The following AP3D1 variants were observed in gnomAD, a reference collection of about 807,000 sequenced individuals.
The protein encoded by AP3D1 is AP-3 complex subunit delta-1.
AP3D1 carries 51 observed loss-of-function variants against 147.6 expected under a neutral mutation model. That is an observed-to-expected ratio of 0.35 (90% CI 0.28 to 0.44). AP3D1 has a LOEUF of 0.44. Among genes scored for constraint, AP3D1 ranks in the 20% least tolerant of loss-of-function variants. The pLI is 1.00. For missense variants in AP3D1, 1,421 were observed against 1,624.2 expected, an observed-to-expected ratio of 0.87 and a Z score of 2.15; for synonymous variants, 760 against 663.0, an observed-to-expected ratio of 1.15 and a Z score of -2.25.
intron 1 of AP3D1, among the ~76,000 whole-genome samples, chr19:2,145,542 C>T (rs2019333862): frequency 6.6e-6 from 1 of 152,210 alleles, no homozygotes; most frequent in African/African-American, 2.4e-5. Flanking sequence ...AGTGCCCCAA[C>T]ACCCCCACCC....
intron 1 of AP3D1, 68 bp downstream of exon 1, chr19:2,151,171 T>A: frequency 6.9e-7 from 1 of 1,454,486 alleles, no homozygotes; most frequent in Admixed American, 1.9e-5. Flanking sequence ...GCAGGCCCAG[T>A]GAGCAGGGCT....
chr19:2,159,450 G>A (rs371823976), intron 1 of AP3D1, among the ~76,000 whole-genome samples: 6 of 151,004 alleles, frequency 4.0e-5, no homozygotes, highest in African/African-American at 1.5e-4. Context: ...GTGCGGTGGC[G>A]CGATCTCAGC....
In AP3D1 at chr19:2,111,671, C is replaced by G; in HGVS notation, c.2937+8G>C. 2 of 1,581,698 alleles carry G rather than the reference C, an allele frequency of 1.3e-6. No homozygotes were observed. Among genetic ancestry groups the G allele is most frequent in the Non-Finnish European group, 1.7e-6 (2 of 1,167,414 alleles). On this transcript the variant is annotated splice_region_variant and intron_variant, in intron 25 of 31. Transcript: ENST00000643116. ...GGCGTGGGGCGGGGGCGCTGAAGTA[C>G]CCCTCACCGGGAGCTGCTCCTCCTC...
At chr19:2,117,545 G>A (rs779000920) in intron 15 of AP3D1, among the ~76,000 whole-genome samples, 178 bp from the exon 16 acceptor site, 3 of 152,230 alleles carry the variant, frequency 2.0e-5, no homozygotes, top group Non-Finnish European at 4.4e-5. Flanking sequence ...TCGCCAGGAA[G>A]CGGCAGAAAC....
chr19:2,129,881 G>A (rs1023619216), intron 6 of AP3D1, among the ~76,000 whole-genome samples: 1 of 152,158 alleles, frequency 6.6e-6, no homozygotes, highest in African/African-American at 2.4e-5. Context: ...TAGGGCTGGG[G>A]TCTCCCCTCC....
At chr19:2,118,473 G>A in intron 15 of AP3D1, 128 bp downstream of exon 15, 1 of 916,312 alleles carries the variant, frequency 1.1e-6, no homozygotes, top group East Asian at 2.7e-5. Flanking sequence ...TGGCACAAGT[G>A]GCAACAAAAG....
chr19:2,126,519 T>C (rs1021495409), intron 9 of AP3D1, among the ~76,000 whole-genome samples: 1 of 151,772 alleles, frequency 6.6e-6, no homozygotes, highest in South Asian at 2.1e-4. Flanking sequence ...CCAGGCGTGG[T>C]GGCGGGCGCC....
chr19:2,103,447 G>A (rs1288363641), intron 31 of AP3D1, among the ~76,000 whole-genome samples: 1 of 151,904 alleles, frequency 6.6e-6, no homozygotes, highest in Non-Finnish European at 1.5e-5. Context: ...TGAAGTGACT[G>A]TGGAAGAAGC....
chr19:2,120,914 C>G lies in AP3D1; in HGVS notation c.1429G>C (p.Gly477Arg). 1 of 1,611,488 alleles carries G rather than the reference C, an allele frequency of 6.2e-7. No individual in the cohort carries two copies. The highest frequency in any genetic ancestry group is 8.5e-7 in the Non-Finnish European group (1 of 1,180,006). The change falls in exon 14 of 32, where the codon GGG becomes CGG. Residue 477 changes from glycine to arginine, a missense_variant. Gly to Arg is a moderately radical substitution (Grantham distance 125). Coordinates refer to ENST00000643116, the MANE Select transcript of AP3D1 (RefSeq NM_001261826.3). ...GCAGCGTACAGCACCTCACAGATCC[C>G]GTTCCGCTGGGTGCTGCTGGCCAGC... ...HLLASSTQRN[G>R]ICEVLYAAAW...
intron 14 of AP3D1, among the ~76,000 whole-genome samples, chr19:2,120,136 C>T (rs958066244): frequency 3.9e-5 from 6 of 152,156 alleles, no homozygotes; most frequent in Admixed American, 2.6e-4. Context: ...GGGCCGGGCC[C>T]GAGGCAGTGA....
chr19:2,107,421 A>T (rs112185792), intron 31 of AP3D1, among the ~76,000 whole-genome samples: 2 of 152,138 alleles, frequency 1.3e-5, no homozygotes, highest in African/African-American at 4.8e-5. Context: ...ACCAAACCGG[A>T]CATCAAGAAA....
chr19:2,150,392 T>G (rs2019474261), intron 1 of AP3D1, among the ~76,000 whole-genome samples: 1 of 152,204 alleles, frequency 6.6e-6, no homozygotes, highest in African/African-American at 2.4e-5. Flanking sequence ...CCCATTCTTC[T>G]TCAATCTAGG....
At chr19:2,144,293 C>A (rs2019300738) in intron 1 of AP3D1, among the ~76,000 whole-genome samples, 1 of 152,198 alleles carries the variant, frequency 6.6e-6, no homozygotes, top group African/African-American at 2.4e-5. Flanking sequence ...CTTTCAACAG[C>A]CCGGGACACC....
Position 2,109,892 on chromosome 19 carries a change from T to G in AP3D1, c.3331A>C (p.Ile1111Leu). The stretch of plus-strand genomic sequence containing the variant: ...CCCCACCTGTAGCAGGGAGTGGTGA[T>G]CAAGTAGGAGCTGCAGCTGAAGTGC... Reference protein sequence around the residue: ...RLHFSCSSYLITTPCYSDAFA... With the variant: ...RLHFSCSSYLLTTPCYSDAFA... The change falls in exon 29 of 32, where the codon ATC becomes CTC. Residue 1111 changes from isoleucine to leucine, a missense_variant. Physicochemically the swap from Ile to Leu is conservative, Grantham distance 5. Transcript: ENST00000643116. 1 of 1,612,880 alleles carries G rather than the reference T, an allele frequency of 6.2e-7. No homozygotes were observed. Among genetic ancestry groups the G allele is most frequent in the African/African-American group, 1.3e-5 (1 of 74,642 alleles).
chr19:2,144,467 C>A (rs2019305761), intron 1 of AP3D1, among the ~76,000 whole-genome samples: 1 of 152,166 alleles, frequency 6.6e-6, no homozygotes, highest in African/African-American at 2.4e-5. Flanking sequence ...CGCAACAGGG[C>A]AGAAACCAGA....
rs2018270413 is a variant in AP3D1, at chr19:2,111,342, G to A, written c.2938-10C>T. The A allele has an allele frequency of 6.2e-7, 1 of 1,613,824 alleles. No homozygotes were observed. The highest frequency in any genetic ancestry group is 1.3e-5 in the African/African-American group (1 of 74,942). On this transcript the variant is annotated splice_polypyrimidine_tract_variant and intron_variant, in intron 25 of 31. Transcript: ENST00000643116. ...AGTAGCTGGACTCAGGCTGGAAATA[G>A]AAAAGGCGCATCAGCCTTGGGGGCC...
chr19:2,102,309 A>G (rs764245813), intron 31 of AP3D1, 41 bp from the exon 32 acceptor site: 1 of 1,550,926 alleles, frequency 6.4e-7, no homozygotes, highest in Non-Finnish European at 8.9e-7. Flanking sequence ...AAGTGTGTGC[A>G]GGGGCTAGGC....
chr19:2,148,193 A>G (rs538918812), intron 1 of AP3D1, among the ~76,000 whole-genome samples: 2 of 152,062 alleles, frequency 1.3e-5, no homozygotes, highest in East Asian at 3.9e-4. Flanking sequence ...AAACTTTCCC[A>G]AAACTATGAA....
At chr19:2,164,037 G>T in intron 1 of AP3D1, 1 of 358,352 alleles carries the variant, frequency 2.8e-6, no homozygotes, top group Non-Finnish European at 4.1e-6. Context: ...GAGCGCGGCG[G>T]CGGCGGCGGC....
Sources: gnomAD v4.1 joint callset for allele counts (sites outside exome capture counted in the v4.1 genomes callset) on GRCh38, gnomAD v4.1.1 for gene constraint, MANE v1.5 for transcripts, NCBI Gene and HGNC (gene_info 2026-07-23, HGNC 2026-07-21) for gene names.